The following GCN1 variants were observed in gnomAD, a reference collection of about 807,000 sequenced individuals.
GCN1 encodes the protein GCN1 activator of EIF2AK4.
GCN1 carries 90 observed loss-of-function variants against 288.4 expected under a neutral mutation model. That is an observed-to-expected ratio of 0.31 (90% confidence interval 0.26 to 0.37). The LOEUF (loss-of-function observed/expected upper bound fraction) is 0.37, where lower values mean the gene tolerates loss of function less well. GCN1 is among the 10% of genes least tolerant of loss of function. The pLI is 1.00. For synonymous variants in GCN1, 1,386 were observed against 1,420.2 expected, an observed-to-expected ratio of 0.98 and a Z score of 0.54; for missense variants, 2,586 against 3,419.9, an observed-to-expected ratio of 0.76 and a Z score of 6.08.
intron 36 of GCN1, 73 bp from the exon 37 acceptor site, chr12:120,148,419 T>A: frequency 7.9e-7 from 1 of 1,269,842 alleles, no homozygotes; most frequent in East Asian, 2.3e-5. Context: ...GCTGGCTACA[T>A]GAGCAAGGGA....
In GCN1 at chr12:120,142,686, G is replaced by A. The variant is rs1403344149; in HGVS notation, c.5650C>T (p.Arg1884Trp). 1.5e-5 allele frequency: 25 copies of A among 1,614,040 alleles called. No individual in the cohort carries two copies. The highest frequency in any genetic ancestry group is 2.2e-5 in the South Asian group (2 of 91,086). Residue 1884 changes from arginine to tryptophan, a missense_variant, in exon 44 of 58, where the codon CGG becomes TGG. By Grantham distance (101) the Arg-to-Trp change is moderately radical. Transcript: ENST00000300648. This position sits in a 1 kb window ranked among gnomAD's most constrained non-coding sequence, Gnocchi z 4.9. ...CCCATGTACAGCCCTGCCAACACCCGGTTCCGCCGCTCTACCCCCAGGGCA... is the reference window on the plus strand; with the variant it reads ...CCCATGTACAGCCCTGCCAACACCCAGTTCCGCCGCTCTACCCCCAGGGCA... ...ITALGVERRN[R>W]VLAGLYMGRS...
intron 5 of GCN1, among the ~76,000 whole-genome samples, chr12:120,179,514 C>T (rs1281207210): frequency 6.6e-6 from 1 of 152,062 alleles, no homozygotes; most frequent in Admixed American, 6.6e-5. Context: ...ATTCTCCTGC[C>T]TCAGCCTCCC....
intron 12 of GCN1, 78 bp downstream of exon 12, chr12:120,175,084 A>C: frequency 8.0e-7 from 1 of 1,256,262 alleles, no homozygotes; most frequent in Non-Finnish European, 1.1e-6. Context: ...CTGAGATGGC[A>C]CCACTGCACT....
At position 120,151,161 on chromosome 12, in the gene GCN1, GTTC is replaced by G. The variant is rs1378027646; in HGVS notation, c.4290_4292del (p.Lys1430del). 1.2e-6 allele frequency: 2 copies of G among 1,613,698 alleles called. No homozygotes were observed. The highest frequency in any genetic ancestry group is 1.7e-6 in the Non-Finnish European group (2 of 1,179,970). On this transcript the variant is annotated inframe_deletion, in exon 34 of 58. Coordinates refer to ENST00000300648, the MANE Select transcript of GCN1 (RefSeq NM_006836.2). ...GATGCTCACCCTCTCGCCGGCGGAA[GTTC>G]TTCTTATCTTGGATGGCATCAGTCA...
intron 14 of GCN1, 109 bp downstream of exon 14, chr12:120,173,544 A>C (rs1209650474): frequency 8.5e-6 from 6 of 705,342 alleles, no homozygotes; most frequent in Non-Finnish European, 1.5e-5. Flanking sequence ...AGAATTAAAC[A>C]GTGCAAAATA....
At chr12:120,184,753 C>A in intron 3 of GCN1, 71 bp downstream of exon 3, 1 of 1,130,344 alleles carries the variant, frequency 8.8e-7, no homozygotes, top group South Asian at 1.2e-5. Context: ...CTAATCTGGG[C>A]TCTAACCACT....
Position 120,136,729 on chromosome 12 carries a change from C to T in GCN1, c.6781G>A (p.Val2261Met), listed in dbSNP as rs777920038. 7.4e-6 allele frequency: 12 copies of T among 1,611,836 alleles called. No homozygotes were observed. In the South Asian group the frequency reaches 1.3e-4, roughly 18 times the overall value. The change falls in exon 51 of 58, where the codon GTG (valine) becomes ATG (methionine). Residue 2261 changes from valine to methionine, a missense_variant. Transcript: ENST00000300648. Reference protein sequence around the residue: ...VPGFCLPKKGVTSILPVLREG... With the variant: ...VPGFCLPKKGMTSILPVLREG... ...CGCAACACTGGAAGGATGGAGGTCACTCCCTGACAAGAGAACCACAACTGA... is the reference window on the plus strand; with the variant it reads ...CGCAACACTGGAAGGATGGAGGTCATTCCCTGACAAGAGAACCACAACTGA...
intron 14 of GCN1, among the ~76,000 whole-genome samples, 194 bp from the exon 15 acceptor site, chr12:120,170,515 G>T (rs759087515): frequency 6.6e-6 from 1 of 152,180 alleles, no homozygotes; most frequent in Non-Finnish European, 1.5e-5. Context: ...GAGGGAGAAA[G>T]ATAATCCTTA....
chr12:120,189,105 T>G (rs2136119380), intron 2 of GCN1, among the ~76,000 whole-genome samples: 1 of 152,288 alleles, frequency 6.6e-6, no homozygotes, highest in East Asian at 1.9e-4. Context: ...AGTCTTGCTC[T>G]GTCGCCCAGG....
chr12:120,194,653 C>A lies in GCN1; in HGVS notation c.18+27G>T, dbSNP rs1159766381. On this transcript the variant is annotated intron_variant, in intron 1 of 57. Transcript: ENST00000300648. ...ACCGTCCGCACCCAGTCCCTGGCCG[C>A]GTTGGCCCCGCAGCCGCCCGCCTCA... 6 of 1,513,818 alleles carry A rather than the reference C, an allele frequency of 4.0e-6. No individual in the cohort carries two copies. In the African/African-American group the frequency reaches 7.2e-5, roughly 18 times the overall value. 93.8% of individuals were successfully genotyped at this position (1,513,818 alleles called of 1,614,324 possible).
Position 120,128,499 on chromosome 12 carries a change from G to T in GCN1, c.7891-525C>A, listed in dbSNP as rs1041372439. The stretch of plus-strand genomic sequence containing the variant: ...TACAGACATAGCGCCACCACACCTG[G>T]CTAATTTTGTATTTTTAGTAGAGAC... On this transcript the variant is annotated intron_variant, in intron 57 of 57. Coordinates refer to ENST00000300648, the MANE Select transcript of GCN1 (RefSeq NM_006836.2). Among the ~76,000 whole-genome samples, 4 of 151,764 alleles carry T rather than the reference G, an allele frequency of 2.6e-5. No individual in the cohort carries two copies. The South Asian group carries it at 8.3e-4, about 31-fold the overall frequency.
At chr12:120,181,465 C>CAA (rs71072594) in intron 5 of GCN1, among the ~76,000 whole-genome samples, 7 of 74,028 alleles carry the variant, frequency 9.5e-5, no homozygotes, top group Admixed American at 1.8e-4. Context: ...ATCTTTGTCT[C>CAA]AAAAAAAAAA....
intron 3 of GCN1, 51 bp from the exon 4 acceptor site, chr12:120,184,294 C>A: frequency 6.4e-7 from 1 of 1,564,300 alleles, no homozygotes; most frequent in African/African-American, 1.4e-5. Context: ...CAGGCAGAGG[C>A]AGGGGCAAGG....
At chr12:120,191,948 G>A (rs992428803) in intron 1 of GCN1, among the ~76,000 whole-genome samples, 2 of 151,996 alleles carry the variant, frequency 1.3e-5, no homozygotes, top group Admixed American at 6.6e-5. Flanking sequence ...TGACCCCATC[G>A]CACACCCTCC....
intron 5 of GCN1, among the ~76,000 whole-genome samples, chr12:120,181,662 A>G (rs1179828484): frequency 6.6e-6 from 1 of 151,508 alleles, no homozygotes; most frequent in Non-Finnish European, 1.5e-5. Context: ...CAACATAGAG[A>G]AACCCCGTCT....
At chr12:120,161,787 A>G (rs1877940059) in intron 21 of GCN1, 93 bp downstream of exon 21, 5 of 1,258,136 alleles carry the variant, frequency 4.0e-6, no homozygotes, top group Non-Finnish European at 5.7e-6. Flanking sequence ...AGGCTGTTGC[A>G]TTCAACTCAC....
chr12:120,176,189 C>T lies in GCN1; in HGVS notation c.867G>A (p.Thr289=), dbSNP rs766665739. The change falls in exon 10 of 58, where the codon ACG becomes ACA. Residue 289 remains threonine (T), a synonymous_variant. Coordinates refer to ENST00000300648, the MANE Select transcript of GCN1 (RefSeq NM_006836.2). ...CCATGGCATACTGGCTGAGGTCAAG[C>T]GTCACTGATGCCAGCAGACTAGAAA... is the stretch of plus-strand genomic sequence containing the variant. The part of the protein sequence containing the change: ...ETISSLLASV[T]LDLSQYAMDI... The T allele has an allele frequency of 1.4e-4, 229 of 1,611,704 alleles. No homozygotes were observed. Among genetic ancestry groups the T allele is most frequent in the Non-Finnish European group, 1.8e-4 (211 of 1,177,908 alleles).
In GCN1 at chr12:120,166,636, G is replaced by A. The variant is rs533899479; in HGVS notation, c.1612+1572C>T. On this transcript the variant is annotated intron_variant, in intron 16 of 57. Coordinates refer to ENST00000300648, the MANE Select transcript of GCN1 (RefSeq NM_006836.2). ...GGAGAATGGCGTGAACCCGGGAGGC[G>A]GAGCTTGCAGTGAGCTGAGATCGCG... 3.1e-3 allele frequency among the ~76,000 whole-genome samples: 461 copies of A among 150,220 alleles called. 2 individuals are homozygous for A. Among genetic ancestry groups the A allele is most frequent in the South Asian group, 0.017 (80 of 4,734 alleles).
At chr12:120,193,630 A>T (rs1213608817) in intron 1 of GCN1, among the ~76,000 whole-genome samples, 1 of 152,176 alleles carries the variant, frequency 6.6e-6, no homozygotes, top group African/African-American at 2.4e-5. Flanking sequence ...TATTTAATTT[A>T]ATTTTAACAA....
Sources: allele counts gnomAD v4.1 joint callset (sites outside exome capture counted in the v4.1 genomes callset), GRCh38; gene constraint gnomAD v4.1.1; non-coding constraint Gnocchi (gnomAD v3.1); transcripts MANE v1.5; gene names NCBI Gene and HGNC (gene_info 2026-07-23, HGNC 2026-07-21).